Variants in ST8SIA1 observed in about 807,000 individuals in gnomAD.
ST8SIA1 encodes the protein ST8 alpha-N-acetyl-neuraminide alpha-2,8-sialyltransferase 1, also known as alpha-N-acetylneuraminide alpha-2,8-sialyltransferase.
ST8SIA1 carries 16 observed loss-of-function variants against 35.9 expected under a neutral mutation model. That is an observed-to-expected ratio of 0.45 (90% CI 0.30 to 0.68). The LOEUF is 0.68. Ranked by LOEUF, ST8SIA1 falls within the 30% of genes least tolerant of loss-of-function variation. The pLI is 0.09. For synonymous variants in ST8SIA1, 170 were observed against 169.6 expected, an observed-to-expected ratio of 1.00 and a Z score of -0.02; for missense variants, 383 against 453.6, an observed-to-expected ratio of 0.84 and a Z score of 1.41.
At chr12:22,223,539 C>T in intron 4 of ST8SIA1, 1 of 1,032,342 alleles carries the variant, frequency 9.7e-7, no homozygotes. Flanking sequence ...GACTTCTGAA[C>T]TGGGTTAAAT....
In ST8SIA1 at chr12:22,312,713, G is replaced by GAA. The variant is rs63016160; in HGVS notation, c.236+21282_236+21283dup. Among the ~76,000 whole-genome samples, 531 of 103,588 alleles carry GAA rather than the reference G, an allele frequency of 5.1e-3. 4 individuals are homozygous for GAA. The highest frequency in any genetic ancestry group is 0.016 in the African/African-American group (503 of 30,548). 68.0% of individuals were successfully genotyped at this position (103,588 alleles called of 152,430 possible). A position where few individuals can be genotyped will look rare whatever the true frequency, so the allele number is the denominator to read the frequency against. ...AACCAAGTAGGGGCGTCACGGAAAT[G>GAA]AAAAAAAAAAAAAAACAATAAATTT... On this transcript the variant is annotated intron_variant, in intron 1 of 4. Transcript: ENST00000396037.
At chr12:22,300,456 T>G (rs753729081) in intron 1 of ST8SIA1, among the ~76,000 whole-genome samples, 2 of 152,146 alleles carry the variant, frequency 1.3e-5, no homozygotes, top group Non-Finnish European at 2.9e-5. Flanking sequence ...GGCCCCTGTA[T>G]CAGATTAGCA....
At chr12:22,244,667 G>A (rs943584790) in intron 4 of ST8SIA1, among the ~76,000 whole-genome samples, 11 of 151,904 alleles carry the variant, frequency 7.2e-5, no homozygotes, top group African/African-American at 2.2e-4. Context: ...CATGTTGTCC[G>A]GACTGGTCTC....
intron 4 of ST8SIA1, among the ~76,000 whole-genome samples, chr12:22,234,306 T>C (rs1468420636): frequency 6.6e-6 from 1 of 151,930 alleles, no homozygotes; most frequent in African/African-American, 2.4e-5. Flanking sequence ...AAAAAAACAC[T>C]GCCAATAAAA....
At chr12:22,285,871 C>CAAAAAAAAAAAAAAAAAAAAAAAAAAAAA (rs1264234503) in intron 2 of ST8SIA1, among the ~76,000 whole-genome samples, 1 of 94,952 alleles carries the variant, frequency 1.1e-5, no homozygotes, top group Non-Finnish European at 2.0e-5. Flanking sequence ...AAGACTCTGT[C>CAAAAAAAAAAAAAAAAAAAAAAAAAAAAA]AAAAACAAAA....
At chr12:22,277,559 G>T (rs1865984815) in intron 2 of ST8SIA1, among the ~76,000 whole-genome samples, 1 of 151,900 alleles carries the variant, frequency 6.6e-6, no homozygotes, top group Non-Finnish European at 1.5e-5. Context: ...TAGAGACAGG[G>T]TGTCATCATG....
chr12:22,223,720 C>T, intron 4 of ST8SIA1: 1 of 1,251,632 alleles, frequency 8.0e-7, no homozygotes, highest in African/African-American at 1.6e-5. Flanking sequence ...GAGCTGTTTT[C>T]CATTTCCTTA....
chr12:22,254,684 C>T (rs921240552), intron 3 of ST8SIA1, among the ~76,000 whole-genome samples: 1 of 152,184 alleles, frequency 6.6e-6, no homozygotes, highest in Non-Finnish European at 1.5e-5. Flanking sequence ...CTCAGCAATT[C>T]CTTTTCATGC....
intron 3 of ST8SIA1, among the ~76,000 whole-genome samples, chr12:22,254,737 T>C (rs768577068): frequency 5.3e-5 from 8 of 152,138 alleles, no homozygotes; most frequent in Non-Finnish European, 1.2e-4. Context: ...GACGTGCACA[T>C]CACCACTCTG....
intron 2 of ST8SIA1, among the ~76,000 whole-genome samples, chr12:22,264,821 T>A (rs1189928014): frequency 6.6e-6 from 1 of 152,236 alleles, no homozygotes; most frequent in African/African-American, 2.4e-5. Context: ...AAGATTTGTA[T>A]TCCCCATTCT....
intron 1 of ST8SIA1, among the ~76,000 whole-genome samples, chr12:22,301,033 T>C (rs71448643): frequency 6.6e-6 from 1 of 152,158 alleles, no homozygotes; most frequent in African/African-American, 2.4e-5. Flanking sequence ...GTGTACATTT[T>C]CAGTAATAAT....
At chr12:22,280,312 A>G (rs935414857) in intron 2 of ST8SIA1, among the ~76,000 whole-genome samples, 3 of 152,172 alleles carry the variant, frequency 2.0e-5, no homozygotes, top group Non-Finnish European at 4.4e-5. Flanking sequence ...AAAGAAAAAA[A>G]ACTAAAGGTA....
At chr12:22,281,577 G>C (rs1024129023) in intron 2 of ST8SIA1, among the ~76,000 whole-genome samples, 1 of 152,072 alleles carries the variant, frequency 6.6e-6, no homozygotes, top group African/African-American at 2.4e-5. Flanking sequence ...AGGGGATACC[G>C]GGGAGCTCAA....
At chr12:22,223,674 A>G (rs926851843) in intron 4 of ST8SIA1, 3 of 1,200,386 alleles carry the variant, frequency 2.5e-6, no homozygotes, top group Non-Finnish European at 3.2e-6. Context: ...TCTGCAGTCT[A>G]TTGATTGCTG....
intron 1 of ST8SIA1, among the ~76,000 whole-genome samples, chr12:22,332,794 T>TAG (rs1565599470): frequency 6.6e-6 from 1 of 152,204 alleles, no homozygotes; most frequent in Non-Finnish European, 1.5e-5. Context: ...TAAAAATGTA[T>TAG]AGATGCTCCT....
rs1233779230 is a variant in ST8SIA1, at chr12:22,200,491, G to C, written c.*1061C>G. 1 of 151,796 alleles carries C rather than the reference G, an allele frequency of 6.6e-6. No individual in the cohort carries two copies. The highest frequency in any genetic ancestry group is 1.9e-4 in the East Asian group (1 of 5,168). The allele number at this position is 151,796 out of a possible 1,614,324, so 9.4% of individuals were successfully genotyped here. A position where few individuals can be genotyped will look rare whatever the true frequency, so the allele number is the denominator to read the frequency against. On this transcript the variant is annotated 3_prime_UTR_variant, in exon 5 of 5. Transcript: ENST00000396037. ...ACTAGTAAAAATGTATTCTTTTTTAGGTAACTACTAAATAACAATAGCTCA... is the reference window on the plus strand; with the variant it reads ...ACTAGTAAAAATGTATTCTTTTTTACGTAACTACTAAATAACAATAGCTCA...
intron 1 of ST8SIA1, among the ~76,000 whole-genome samples, chr12:22,314,781 G>A (rs1003522114): frequency 6.6e-6 from 1 of 151,952 alleles, no homozygotes; most frequent in African/African-American, 2.4e-5. Flanking sequence ...TCACATCCCT[G>A]GCTCCAGGCG....
chr12:22,233,368 AT>A (rs545696924), intron 4 of ST8SIA1, among the ~76,000 whole-genome samples: 101 of 147,376 alleles, frequency 6.9e-4, no homozygotes, highest in Admixed American at 9.5e-4. Flanking sequence ...GTGGTGGTGT[AT>A]TTTTTTTTTT....
intron 4 of ST8SIA1, among the ~76,000 whole-genome samples, chr12:22,222,586 CTTAT>C (rs1272805865): frequency 2.0e-5 from 3 of 151,720 alleles, no homozygotes; most frequent in Non-Finnish European, 4.4e-5. Flanking sequence ...TGTAAGTAAT[CTTAT>C]TGACAGTTAA....
Sources: allele counts gnomAD v4.1 joint callset (sites outside exome capture counted in the v4.1 genomes callset), GRCh38; gene constraint gnomAD v4.1.1; transcripts MANE v1.5; gene names NCBI Gene and HGNC (gene_info 2026-07-23, HGNC 2026-07-21).